LOXHD1: variants seen among roughly 807,000 people sequenced by gnomAD.
LOXHD1 encodes lipoxygenase homology domain-containing protein 1.
In LOXHD1, 205 loss-of-function variants were observed where a neutral mutation model predicts 248.2. The observed-to-expected ratio is 0.83, with a 90% CI of 0.74 to 0.93. The LOEUF (loss-of-function observed/expected upper bound fraction) is 0.93. Among genes scored for constraint, LOXHD1 ranks in the 40% least tolerant of loss-of-function variants. The pLI is 0.00. For synonymous variants in LOXHD1, 1,113 were observed against 1,162.8 expected, an observed-to-expected ratio of 0.96 and a Z score of 0.87; for missense variants, 2,930 against 2,971.6, an observed-to-expected ratio of 0.99 and a Z score of 0.33.
intron 34 of LOXHD1, among the ~76,000 whole-genome samples, chr18:46,514,232 C>T (rs2035127521): frequency 1.3e-5 from 2 of 152,166 alleles, no homozygotes; most frequent in Non-Finnish European, 2.9e-5. Flanking sequence ...AAGGGCAGCC[C>T]TTGAGCTACA....
At chr18:46,620,268 C>T (rs1450344104) in intron 4 of LOXHD1, among the ~76,000 whole-genome samples, 2 of 152,340 alleles carry the variant, frequency 1.3e-5, no homozygotes, top group East Asian at 1.9e-4. Flanking sequence ...TTCCCAACTC[C>T]AGTCCAGGGC....
chr18:46,601,841 G>A (rs528133392), intron 7 of LOXHD1, among the ~76,000 whole-genome samples: 80 of 152,202 alleles, frequency 5.3e-4, no homozygotes, highest in Non-Finnish European at 1.0e-3. Flanking sequence ...ATTCTGTTAT[G>A]TCTAATCTAA....
chr18:46,631,315 C>A (rs546226290), intron 4 of LOXHD1, among the ~76,000 whole-genome samples: 1 of 152,258 alleles, frequency 6.6e-6, no homozygotes, highest in South Asian at 2.1e-4. Flanking sequence ...TACAACCCCC[C>A]CACCACCATC....
At chr18:46,550,121 C>T (rs1349543897) in intron 21 of LOXHD1, among the ~76,000 whole-genome samples, 1 of 152,190 alleles carries the variant, frequency 6.6e-6, no homozygotes, top group Non-Finnish European at 1.5e-5. Flanking sequence ...CAAAGATACC[C>T]TAATTAAAGA....
At chr18:46,553,513 T>A (rs1291022605) in intron 21 of LOXHD1, among the ~76,000 whole-genome samples, 1 of 152,258 alleles carries the variant, frequency 6.6e-6, no homozygotes, top group Non-Finnish European at 1.5e-5. Context: ...GCACAGCATG[T>A]GTTTGTCAAA....
At position 46,618,496 on chromosome 18, in the gene LOXHD1, C is replaced by T. The variant is rs77461685; in HGVS notation, c.512-206G>A. On this transcript the variant is annotated intron_variant, in intron 4 of 40. Coordinates refer to ENST00000642948, the MANE Select transcript of LOXHD1 (RefSeq NM_001384474.1). ...GAATTGTCATCATTACTGTCAACAA[C>T]AGAGCAAAAAACAACTCACTCAACA... 5.2e-3 allele frequency among the ~76,000 whole-genome samples: 798 copies of T among 152,290 alleles called. 19 individuals are homozygous for T. The East Asian group carries it at 0.072, about 14-fold the overall frequency.
intron 7 of LOXHD1, among the ~76,000 whole-genome samples, 198 bp downstream of exon 7, chr18:46,603,907 TC>T (rs1438036691): frequency 6.6e-6 from 1 of 152,294 alleles, no homozygotes; most frequent in Non-Finnish European, 1.5e-5. Flanking sequence ...CTTAGCAGCA[TC>T]CCCCAGGTCC....
chr18:46,564,852 C>T (rs1043531556), intron 17 of LOXHD1, among the ~76,000 whole-genome samples: 6 of 152,136 alleles, frequency 3.9e-5, no homozygotes, highest in East Asian at 1.9e-4. Flanking sequence ...GACACACACA[C>T]GAAAAGATAT....
At chr18:46,619,745 C>T (rs534938891) in intron 4 of LOXHD1, among the ~76,000 whole-genome samples, 1 of 152,226 alleles carries the variant, frequency 6.6e-6, no homozygotes, top group African/African-American at 2.4e-5. Flanking sequence ...AGCCCACACA[C>T]AGCCCCTGAA....
At chr18:46,629,988 C>G (rs188705627) in intron 4 of LOXHD1, among the ~76,000 whole-genome samples, 1 of 152,170 alleles carries the variant, frequency 6.6e-6, no homozygotes, top group Admixed American at 6.5e-5. Flanking sequence ...AAGCATACAA[C>G]AAAACTGGCT....
chr18:46,519,108 T>A, intron 33 of LOXHD1: 2 of 984,630 alleles, frequency 2.0e-6, no homozygotes, highest in Non-Finnish European at 2.4e-6. Flanking sequence ...GAGAAAGCAC[T>A]TACACTGATG....
intron 4 of LOXHD1, among the ~76,000 whole-genome samples, chr18:46,622,243 T>A (rs1462003464): frequency 5.3e-5 from 8 of 152,204 alleles, no homozygotes; most frequent in Non-Finnish European, 5.9e-5. Flanking sequence ...ACTGTTCAGC[T>A]CTGCTGTTGT....
At chr18:46,550,579 CA>C (rs754046200) in intron 21 of LOXHD1, among the ~76,000 whole-genome samples, 2,433 of 45,432 alleles carry the variant, frequency 0.054, 52 homozygotes, top group African/African-American at 0.17. Context: ...GACTCCGTCT[CA>C]AAAAAAAAAA....
chr18:46,642,168 A>C (rs529832176), intron 2 of LOXHD1, 132 bp from the exon 3 acceptor site: 2 of 794,798 alleles, frequency 2.5e-6, no homozygotes, highest in South Asian at 1.6e-5. Flanking sequence ...ACAAGATCCC[A>C]TTCCAAGATT....
At chr18:46,629,881 C>T (rs1214028008) in intron 4 of LOXHD1, among the ~76,000 whole-genome samples, 1 of 152,036 alleles carries the variant, frequency 6.6e-6, no homozygotes, top group South Asian at 2.1e-4. Flanking sequence ...CGTCATCCAC[C>T]CCTCCCACCA....
chr18:46,648,988 G>A (rs1281827530), intron 2 of LOXHD1, among the ~76,000 whole-genome samples, 167 bp downstream of exon 2: 1 of 152,214 alleles, frequency 6.6e-6, no homozygotes, highest in African/African-American at 2.4e-5. Flanking sequence ...GTGCACCGGG[G>A]GATCCCCAGC....
intron 12 of LOXHD1, among the ~76,000 whole-genome samples, chr18:46,589,834 C>T (rs1389678910): frequency 6.6e-6 from 1 of 152,066 alleles, no homozygotes. Context: ...GGGGCCTAAT[C>T]CCTCCTCAGT....
intron 15 of LOXHD1, among the ~76,000 whole-genome samples, chr18:46,571,414 G>A (rs2037749618): frequency 6.6e-6 from 1 of 152,194 alleles, no homozygotes; most frequent in Admixed American, 6.5e-5. Context: ...AGGCTGCAAT[G>A]AGCCAAAATC....
intron 15 of LOXHD1, among the ~76,000 whole-genome samples, chr18:46,570,477 C>T (rs2037731037): frequency 6.6e-6 from 1 of 152,334 alleles, no homozygotes; most frequent in South Asian, 2.1e-4. Context: ...CTGAGCACAC[C>T]TTGCCTAGGG....
Sources: allele counts gnomAD v4.1 joint callset (sites outside exome capture counted in the v4.1 genomes callset), GRCh38; gene constraint gnomAD v4.1.1; transcripts MANE v1.5; gene names NCBI Gene and HGNC (gene_info 2026-07-23, HGNC 2026-07-21).